The following TENM3 variants were observed in gnomAD, a reference collection of about 807,000 sequenced individuals.
TENM3 encodes the protein teneurin-3.
In TENM3, 63 loss-of-function variants were observed where a neutral mutation model predicts 255.1. The ratio of observed to expected loss-of-function variants is 0.25; its 90% CI spans 0.20 to 0.30. The LOEUF is 0.30. Ranked by LOEUF, TENM3 falls within the 10% of genes least tolerant of loss-of-function variation. The pLI, the probability that TENM3 is intolerant of heterozygous loss-of-function variation, is 1.00. For synonymous variants in TENM3, 1,306 were observed against 1,322.3 expected (o/e 0.99, Z 0.27); for missense variants, 2,929 against 3,461.1 (o/e 0.85, Z 3.86).
Position 182,737,024 on chromosome 4 carries a change from G to T in TENM3, c.3184G>T (p.Asp1062Tyr), listed in dbSNP as rs1761222487. Residue 1062 changes from aspartate to tyrosine, a missense_variant, in exon 17 of 28, where the codon GAT becomes TAT. Transcript: ENST00000511685. ...SPNLAYTFIW[D>Y]KTDAYNQKVY... ...AAACTTGGCCTATACTTTCATATGG[G>T]ATAAAACAGATGCATATAATCAGAA... 6.2e-7 allele frequency: 1 copy of T among 1,613,714 alleles called. No individual in the cohort carries two copies. Among genetic ancestry groups the T allele is most frequent in the Non-Finnish European group, 8.5e-7 (1 of 1,179,788 alleles).
chr4:181,767,267 A>G, the TENM3 span, among the ~76,000 whole-genome samples: 2 of 150,348 alleles, frequency 1.3e-5, no homozygotes, highest in Admixed American at 6.6e-5. Flanking sequence ...AAAAAAAAAA[A>G]AAAAGAAAGA....
intron 1 of TENM3, among the ~76,000 whole-genome samples, chr4:182,176,634 A>G (rs1270325453): frequency 6.6e-6 from 1 of 152,092 alleles, no homozygotes; most frequent in Non-Finnish European, 1.5e-5. Flanking sequence ...AACTCTTTTT[A>G]CATATAAATT....
chr4:181,942,366 G>C, the TENM3 span, among the ~76,000 whole-genome samples: 1 of 149,022 alleles, frequency 6.7e-6, no homozygotes, highest in African/African-American at 2.5e-5. Context: ...AGCCGGTGGT[G>C]ATATCTGATA....
chr4:182,699,505 AAATTAT>A (rs1173422313), intron 12 of TENM3, among the ~76,000 whole-genome samples: 1 of 152,162 alleles, frequency 6.6e-6, no homozygotes, highest in Non-Finnish European at 1.5e-5. Flanking sequence ...AACAATTTAT[AAATTAT>A]AATTATTATC....
chr4:181,934,406 G>C, the TENM3 span, among the ~76,000 whole-genome samples: 3 of 152,208 alleles, frequency 2.0e-5, no homozygotes, highest in South Asian at 6.2e-4. Context: ...GTTAATCTAA[G>C]TTAAAAATGG....
At chr4:182,143,817 A>T (rs1749654908), upstream of TENM3, 1 of 152,568 alleles carries the variant, frequency 6.6e-6, no homozygotes, top group South Asian at 2.1e-4. The surrounding 1 kb of genome is among the most constrained non-coding windows in gnomAD (Gnocchi z 4.3). Flanking sequence ...GCCATTCATC[A>T]GCGTGAAGTG....
At chr4:182,243,591 G>T in intron 1 of TENM3, 115 bp downstream of exon 1, 1 of 151,016 alleles carries the variant, frequency 6.6e-6, no homozygotes, top group Non-Finnish European at 1.5e-5. Flanking sequence ...AACTGGGGAG[G>T]GCAGACAAGT....
At chr4:182,006,660 A>AT in the TENM3 span, among the ~76,000 whole-genome samples, 1 of 148,506 alleles carries the variant, frequency 6.7e-6, no homozygotes, top group Non-Finnish European at 1.5e-5. Flanking sequence ...TGTTTTGTTA[A>AT]TTTTTTCAAA....
the TENM3 span, among the ~76,000 whole-genome samples, chr4:181,889,767 A>G: frequency 6.6e-6 from 1 of 152,184 alleles, no homozygotes; most frequent in Non-Finnish European, 1.5e-5. Flanking sequence ...AAATCCTAAC[A>G]TCCTCTACTG....
chr4:182,112,329 C>A, the TENM3 span, among the ~76,000 whole-genome samples: 1 of 152,174 alleles, frequency 6.6e-6, no homozygotes, highest in African/African-American at 2.4e-5. Flanking sequence ...ACGGACTGAC[C>A]GTTTTCCCTC....
intron 22 of TENM3, 186 bp downstream of exon 22, chr4:182,755,445 G>A: frequency 1.8e-6 from 1 of 569,756 alleles, no homozygotes; most frequent in South Asian, 2.5e-5. Flanking sequence ...GGGAGGCTGA[G>A]ACGGGAGGAT....
the TENM3 span, among the ~76,000 whole-genome samples, chr4:181,789,214 CTTTA>C: frequency 2.2e-5 from 3 of 137,374 alleles, no homozygotes; most frequent in South Asian, 2.3e-4. Context: ...AAAGAGCCCC[CTTTA>C]TTTATTTTAT....
At position 182,447,680 on chromosome 4, in the gene TENM3, G is replaced by C. The variant is rs745433030; in HGVS notation, c.511+100751G>C. Among the ~76,000 whole-genome samples the C allele has an allele frequency of 2.6e-5, 4 of 152,274 alleles. 1 individual carries two copies. Among genetic ancestry groups the C allele is most frequent in the Admixed American group, 2.6e-4 (4 of 15,294 alleles). On this transcript the variant is annotated intron_variant, in intron 3 of 27. Transcript: ENST00000511685. ...GTATTTAGAAGGTAGTTAAAATATG[G>C]AATGAGAGCTGATAAAGATATGTTG...
At chr4:182,755,419 GT>G (rs1762659559) in intron 22 of TENM3, 160 bp downstream of exon 22, 10 of 659,448 alleles carry the variant, frequency 1.5e-5, no homozygotes, top group South Asian at 4.5e-5. Flanking sequence ...GCTCATTCCC[GT>G]AGTCTCAGCT....
chr4:182,391,841 T>C (rs1156457561), intron 3 of TENM3, among the ~76,000 whole-genome samples: 1 of 152,132 alleles, frequency 6.6e-6, no homozygotes, highest in Non-Finnish European at 1.5e-5. Flanking sequence ...TATCCTTTTA[T>C]GGTTGACTTC....
the TENM3 span, among the ~76,000 whole-genome samples, chr4:181,450,329 G>C: frequency 1.3e-5 from 2 of 152,024 alleles, no homozygotes; most frequent in South Asian, 4.1e-4. Flanking sequence ...CATATTACTG[G>C]GGTAAGTAAT....
At chr4:181,995,226 G>T in the TENM3 span, among the ~76,000 whole-genome samples, 2 of 151,932 alleles carry the variant, frequency 1.3e-5, no homozygotes, top group Admixed American at 1.3e-4. Context: ...GGGGGCGGAG[G>T]TTGCAGTGAG....
intron 3 of TENM3, among the ~76,000 whole-genome samples, chr4:182,370,479 A>G (rs892284705): frequency 2.0e-5 from 3 of 152,246 alleles, no homozygotes; most frequent in Non-Finnish European, 2.9e-5. Context: ...TACAAAAATA[A>G]CTGACATTAC....
intron 3 of TENM3, among the ~76,000 whole-genome samples, chr4:182,481,682 C>G (rs904880454): frequency 6.6e-6 from 1 of 152,130 alleles, no homozygotes; most frequent in Non-Finnish European, 1.5e-5. Flanking sequence ...GTAGTCCCAG[C>G]TACTGGGAAG....
Sources: allele counts gnomAD v4.1 joint callset (sites outside exome capture counted in the v4.1 genomes callset), GRCh38; gene constraint gnomAD v4.1.1; non-coding constraint Gnocchi (gnomAD v3.1); transcripts MANE v1.5; gene names NCBI Gene and HGNC (gene_info 2026-07-23, HGNC 2026-07-21).